The following ELP4 variants were observed in gnomAD, a reference collection of about 807,000 sequenced individuals.
ELP4 encodes the protein elongator complex protein 4.
A neutral mutation model predicts 48.9 loss-of-function variants in ELP4; 51 were observed. The ratio of observed to expected loss-of-function variants is 1.04; its 90% CI spans 0.83 to 1.32. The LOEUF (loss-of-function observed/expected upper bound fraction) is 1.32, where lower values mean the gene tolerates loss of function less well. Among genes scored for constraint, ELP4 ranks in the 40% most tolerant of loss-of-function variants. The pLI, the probability that ELP4 is intolerant of heterozygous loss-of-function variation, is 0.00. For synonymous variants in ELP4, 210 were observed against 189.2 expected, an observed-to-expected ratio of 1.11 and a Z score of -0.90; for missense variants, 519 against 514.6, an observed-to-expected ratio of 1.01 and a Z score of -0.08.
intron 3 of ELP4, 107 bp from the exon 4 acceptor site, chr11:31,594,663 T>G (rs192494219): frequency 1.5e-6 from 1 of 657,984 alleles, no homozygotes; most frequent in East Asian, 3.2e-5. Context: ...ATGTTAGTCA[T>G]GAATTTTCAA....
At position 31,590,348 on chromosome 11, in the gene ELP4, C is replaced by G. The variant is rs566840883; in HGVS notation, c.382-4422C>G. On this transcript the variant is annotated intron_variant, in intron 3 of 9. Coordinates refer to ENST00000640961, the MANE Select transcript of ELP4 (RefSeq NM_019040.5). ...ATATATTGGTACTCAATAATAATTT[C>G]AACATAACTGATACTTCAGTCTTAT... is the stretch of plus-strand genomic sequence containing the variant. Among the ~76,000 whole-genome samples the G allele has an allele frequency of 2.6e-5, 4 of 152,194 alleles. No homozygotes were observed. The East Asian group carries it at 7.7e-4, about 29-fold the overall frequency.
At chr11:31,563,566 AT>A (rs1282129148) in intron 3 of ELP4, among the ~76,000 whole-genome samples, 1 of 152,158 alleles carries the variant, frequency 6.6e-6, no homozygotes, top group Non-Finnish European at 1.5e-5. Context: ...TTATATGGGA[AT>A]TTTATAATTT....
intron 1 of ELP4, among the ~76,000 whole-genome samples, chr11:31,518,066 C>G (rs1237565940): frequency 6.6e-6 from 1 of 151,708 alleles, no homozygotes; most frequent in Admixed American, 6.6e-5. Context: ...TATAAGTACT[C>G]AAATGTCTTA....
intron 5 of ELP4, among the ~76,000 whole-genome samples, chr11:31,623,382 T>TAC (rs1565084252): frequency 6.5e-5 from 6 of 92,048 alleles, no homozygotes; most frequent in African/African-American, 1.8e-4. Context: ...TATATATATA[T>TAC]ATATATATAA....
At chr11:31,604,545 T>C (rs559763738) in intron 5 of ELP4, among the ~76,000 whole-genome samples, 1 of 152,066 alleles carries the variant, frequency 6.6e-6, no homozygotes, top group Admixed American at 6.5e-5. Context: ...ATAATGTATG[T>C]TATAAAGTAT....
At chr11:31,706,330 TAGA>T (rs999614759) in intron 9 of ELP4, among the ~76,000 whole-genome samples, 32 of 151,612 alleles carry the variant, frequency 2.1e-4, no homozygotes, top group Admixed American at 1.9e-3. Flanking sequence ...TACAGTGGTA[TAGA>T]GTACTAGAAC....
intron 3 of ELP4, among the ~76,000 whole-genome samples, chr11:31,574,247 C>A (rs376366771): frequency 6.6e-6 from 1 of 152,160 alleles, no homozygotes; most frequent in African/African-American, 2.4e-5. Context: ...GAGGGACGTC[C>A]ACCATTGCTG....
intron 3 of ELP4, among the ~76,000 whole-genome samples, chr11:31,549,682 G>T (rs1055948649): frequency 9.2e-5 from 14 of 152,110 alleles, no homozygotes; most frequent in African/African-American, 2.4e-4. Flanking sequence ...AAAGACACAT[G>T]TACACGTATG....
At chr11:31,740,184 C>T (rs1282526040) in intron 9 of ELP4, among the ~76,000 whole-genome samples, 1 of 152,200 alleles carries the variant, frequency 6.6e-6, no homozygotes, top group Non-Finnish European at 1.5e-5. Context: ...TTCATTTTCA[C>T]TTATGAGACC....
chr11:31,742,657 A>G (rs1411025368), intron 9 of ELP4, among the ~76,000 whole-genome samples: 6 of 152,220 alleles, frequency 3.9e-5, no homozygotes, highest in Non-Finnish European at 8.8e-5. Context: ...ACTAAGCTTC[A>G]TAAGTGAAGG....
At chr11:31,537,866 T>C (rs1198058563) in intron 2 of ELP4, among the ~76,000 whole-genome samples, 1 of 152,194 alleles carries the variant, frequency 6.6e-6, no homozygotes, top group Admixed American at 6.5e-5. Flanking sequence ...TCTATGACCT[T>C]GGATTTCTTT....
At chr11:31,559,982 A>C (rs1250536230) in intron 3 of ELP4, among the ~76,000 whole-genome samples, 1 of 127,684 alleles carries the variant, frequency 7.8e-6, no homozygotes, top group Non-Finnish European at 1.6e-5. Flanking sequence ...AATAATTTTC[A>C]AATTAAAAAA....
chr11:31,547,097 C>T (rs1956740209), intron 3 of ELP4, among the ~76,000 whole-genome samples: 1 of 152,068 alleles, frequency 6.6e-6, no homozygotes, highest in South Asian at 2.1e-4. Context: ...AGAGCAAACA[C>T]ATTGAAAAGC....
At chr11:31,550,321 C>T (rs1010863435) in intron 3 of ELP4, among the ~76,000 whole-genome samples, 1 of 151,968 alleles carries the variant, frequency 6.6e-6, no homozygotes, top group Admixed American at 6.6e-5. Flanking sequence ...GAATTTGGCG[C>T]ATGATGGATA....
chr11:31,558,257 A>G (rs568252971), intron 3 of ELP4, among the ~76,000 whole-genome samples: 1 of 152,200 alleles, frequency 6.6e-6, no homozygotes, highest in South Asian at 2.1e-4. Context: ...AAAACATGCA[A>G]AGGCTCAGTA....
At chr11:31,614,609 C>T (rs747425750) in intron 5 of ELP4, among the ~76,000 whole-genome samples, 7 of 152,160 alleles carry the variant, frequency 4.6e-5, no homozygotes, top group Non-Finnish European at 1.0e-4. Flanking sequence ...AATAATTTTA[C>T]AGTGGAGAAG....
intron 9 of ELP4, among the ~76,000 whole-genome samples, chr11:31,762,304 TGTC>T (rs969987635): frequency 1.3e-5 from 2 of 152,206 alleles, no homozygotes; most frequent in Non-Finnish European, 2.9e-5. Context: ...CCTACCTTCT[TGTC>T]TTCACAACAA....
chr11:31,727,594 T>C (rs1947101569), intron 9 of ELP4, among the ~76,000 whole-genome samples: 1 of 152,162 alleles, frequency 6.6e-6, no homozygotes. Context: ...TCAGTGAACA[T>C]AGTAAATGTG....
In ELP4 at chr11:31,539,668, A is replaced by G; in HGVS notation, c.266A>G (p.Asp89Gly). Reference protein sequence around the residue: ...AVGTVLLIEEDKYNIYSPLLF... With the variant: ...AVGTVLLIEEGKYNIYSPLLF... ...CAACTTTTCCTTTTTACAGAGGAGG[A>G]TAAATATAATATTTACTCACCTTTG... is the stretch of plus-strand genomic sequence containing the variant. The change falls in exon 3 of 10, where the codon GAT (aspartate) becomes GGT (glycine). Residue 89 changes from aspartate to glycine, a missense_variant. Asp to Gly is a moderately conservative substitution (Grantham distance 94). Coordinates refer to ENST00000640961, the MANE Select transcript of ELP4 (RefSeq NM_019040.5). The G allele has an allele frequency of 1.2e-6, 2 of 1,603,146 alleles. No individual in the cohort carries two copies. Among genetic ancestry groups the G allele is most frequent in the Non-Finnish European group, 1.7e-6 (2 of 1,175,414 alleles).
Sources: allele counts gnomAD v4.1 joint callset (sites outside exome capture counted in the v4.1 genomes callset), GRCh38; gene constraint gnomAD v4.1.1; transcripts MANE v1.5; gene names NCBI Gene and HGNC (gene_info 2026-07-23, HGNC 2026-07-21).